The following ST6GALNAC3 variants were observed in gnomAD, a reference collection of about 807,000 sequenced individuals.
ST6GALNAC3 encodes ST6 N-acetylgalactosaminide alpha-2,6-sialyltransferase 3.
A neutral mutation model predicts 32.7 loss-of-function variants in ST6GALNAC3; 25 were observed. The observed-to-expected ratio is 0.76, with a 90% CI of 0.56 to 1.07. The LOEUF is 1.07. ST6GALNAC3 is among the 50% of genes least tolerant of loss of function. ST6GALNAC3 has a pLI of 0.00. For missense variants in ST6GALNAC3, 355 were observed against 382.4 expected, an observed-to-expected ratio of 0.93 and a Z score of 0.60; for synonymous variants, 129 against 133.1, an observed-to-expected ratio of 0.97 and a Z score of 0.21.
At chr1:76,315,496 T>TA (rs1333063906) in intron 2 of ST6GALNAC3, among the ~76,000 whole-genome samples, 11 of 152,160 alleles carry the variant, frequency 7.2e-5, no homozygotes, top group African/African-American at 2.7e-4. Context: ...TGCAGTTATT[T>TA]AATTAGTTCT....
intron 3 of ST6GALNAC3, among the ~76,000 whole-genome samples, chr1:76,477,681 G>A (rs550771854): frequency 6.6e-6 from 1 of 152,054 alleles, no homozygotes; most frequent in Non-Finnish European, 1.5e-5. Context: ...GCATTCTTGG[G>A]GCTCTTCACT....
Position 76,232,050 on chromosome 1 carries a change from G to A in ST6GALNAC3, c.19-81755G>A, listed in dbSNP as rs968399042. ...GGAGAAACTTCACTTACCCAAGGTCGTATGGTTTGGACAAACAGAACCAGG... is the reference window on the plus strand; with the variant it reads ...GGAGAAACTTCACTTACCCAAGGTCATATGGTTTGGACAAACAGAACCAGG... On this transcript the variant is annotated intron_variant, in intron 1 of 4. Transcript: ENST00000328299. Among the ~76,000 whole-genome samples, 8 of 152,242 alleles carry A rather than the reference G, an allele frequency of 5.3e-5. No individual in the cohort carries two copies. The East Asian group carries it at 7.7e-4, about 15-fold the overall frequency.
chr1:76,427,404 C>G (rs999022611), intron 3 of ST6GALNAC3, among the ~76,000 whole-genome samples: 1 of 152,030 alleles, frequency 6.6e-6, no homozygotes, highest in Admixed American at 6.6e-5. Context: ...GATTCAGAAC[C>G]TCTGGGAATG....
intron 3 of ST6GALNAC3, among the ~76,000 whole-genome samples, chr1:76,438,166 C>A (rs1332249407): frequency 8.0e-6 from 1 of 125,058 alleles, no homozygotes; most frequent in African/African-American, 3.7e-5. Context: ...TTTTTTTTTT[C>A]AGTGAGACAG....
At chr1:76,268,352 A>C (rs1658651151) in intron 1 of ST6GALNAC3, among the ~76,000 whole-genome samples, 1 of 152,204 alleles carries the variant, frequency 6.6e-6, no homozygotes, top group Non-Finnish European at 1.5e-5. Flanking sequence ...ATTTGTCTTG[A>C]TGATGCTTGA....
chr1:76,563,678 C>A (rs139398065), intron 3 of ST6GALNAC3, among the ~76,000 whole-genome samples: 331 of 152,092 alleles, frequency 2.2e-3, no homozygotes, highest in African/African-American at 7.6e-3. Flanking sequence ...CTTAATTTAC[C>A]CAGTGGAGAA....
At chr1:76,113,406 C>T (rs1025174091) in intron 1 of ST6GALNAC3, among the ~76,000 whole-genome samples, 2 of 151,792 alleles carry the variant, frequency 1.3e-5, no homozygotes, top group Non-Finnish European at 2.9e-5. Flanking sequence ...TATCTGCAAA[C>T]GCAGAACTCC....
chr1:76,533,302 G>A (rs1001358715), intron 3 of ST6GALNAC3, among the ~76,000 whole-genome samples: 2 of 148,220 alleles, frequency 1.3e-5, no homozygotes, highest in African/African-American at 5.0e-5. Flanking sequence ...TCTTCTCAGG[G>A]AACATGTTCC....
chr1:76,333,502 T>C (rs1027971173), intron 2 of ST6GALNAC3, among the ~76,000 whole-genome samples: 3 of 152,208 alleles, frequency 2.0e-5, no homozygotes, highest in Non-Finnish European at 4.4e-5. Context: ...TTTTTATTTC[T>C]GTAAATCAGT....
intron 1 of ST6GALNAC3, among the ~76,000 whole-genome samples, chr1:76,236,861 T>G (rs1264042723): frequency 6.6e-6 from 1 of 152,178 alleles, no homozygotes; most frequent in Non-Finnish European, 1.5e-5. Context: ...AAACTGCCAA[T>G]TCAACAGATA....
At chr1:76,299,225 G>A (rs553743642) in intron 1 of ST6GALNAC3, among the ~76,000 whole-genome samples, 6 of 151,930 alleles carry the variant, frequency 3.9e-5, no homozygotes, top group South Asian at 4.1e-4. Flanking sequence ...GTGTGGAGGC[G>A]GCCTTTCTCT....
chr1:76,295,685 T>G (rs770445445), intron 1 of ST6GALNAC3, among the ~76,000 whole-genome samples: 15 of 152,216 alleles, frequency 9.9e-5, no homozygotes, highest in Middle Eastern at 3.4e-3. Flanking sequence ...GGATCCTTCA[T>G]GAGGAAATGA....
At chr1:76,441,822 C>T (rs929189172) in intron 3 of ST6GALNAC3, among the ~76,000 whole-genome samples, 10 of 152,118 alleles carry the variant, frequency 6.6e-5, no homozygotes, top group African/African-American at 2.4e-4. Flanking sequence ...TGAGAGCACC[C>T]AAAAACATTA....
intron 1 of ST6GALNAC3, among the ~76,000 whole-genome samples, chr1:76,107,297 C>CT (rs5775324): frequency 0.014 from 1,973 of 137,664 alleles, 34 homozygotes; most frequent in African/African-American, 0.039. Context: ...CACACTTTTG[C>CT]TTTTTTTTTT....
At chr1:76,557,118 G>GA (rs1235505123) in intron 3 of ST6GALNAC3, among the ~76,000 whole-genome samples, 1 of 151,824 alleles carries the variant, frequency 6.6e-6, no homozygotes, top group Non-Finnish European at 1.5e-5. Context: ...ACCAGATGTT[G>GA]AAAAAATTAC....
chr1:76,302,982 C>CATTA (rs1660815516), intron 1 of ST6GALNAC3, among the ~76,000 whole-genome samples: 1 of 151,890 alleles, frequency 6.6e-6, no homozygotes, highest in South Asian at 2.1e-4. Context: ...AGAGGTTTCC[C>CATTA]ATTAGCCTGA....
intron 1 of ST6GALNAC3, among the ~76,000 whole-genome samples, chr1:76,288,591 G>A (rs929824063): frequency 2.0e-5 from 3 of 152,232 alleles, no homozygotes; most frequent in Non-Finnish European, 4.4e-5. Flanking sequence ...AGTAACTGCT[G>A]TGGAAGCTCA....
chr1:76,298,307 A>T (rs2100839289), intron 1 of ST6GALNAC3, among the ~76,000 whole-genome samples: 1 of 152,190 alleles, frequency 6.6e-6, no homozygotes, highest in East Asian at 1.9e-4. Context: ...AGAAACCAAC[A>T]CATGGTATAT....
Position 76,253,946 on chromosome 1 carries a change from A to C in ST6GALNAC3, c.19-59859A>C, listed in dbSNP as rs933962498. Among the ~76,000 whole-genome samples, 35 of 152,136 alleles carry C rather than the reference A, an allele frequency of 2.3e-4. 1 individual carries two copies. Among genetic ancestry groups the C allele is most frequent in the Non-Finnish European group, 4.1e-4 (28 of 68,000 alleles). ...ATTCAAAGGATTCTCAAAGCTCCTC[A>C]ATGGCCAATCAGCAGTGAAGAGGGA... On this transcript the variant is annotated intron_variant, in intron 1 of 4. Coordinates refer to ENST00000328299, the MANE Select transcript of ST6GALNAC3 (RefSeq NM_152996.4).
Sources: gnomAD v4.1 joint callset for allele counts (sites outside exome capture counted in the v4.1 genomes callset) on GRCh38, gnomAD v4.1.1 for gene constraint, MANE v1.5 for transcripts, NCBI Gene and HGNC (gene_info 2026-07-23, HGNC 2026-07-21) for gene names.